The following OTUD7A variants were observed in gnomAD, a reference collection of about 807,000 sequenced individuals.
OTUD7A encodes the protein OTU deubiquitinase 7A.
Under a neutral mutation model 65.7 loss-of-function variants are expected in OTUD7A, and 12 were observed. The ratio of observed to expected loss-of-function variants is 0.18; its 90% confidence interval spans 0.12 to 0.30. The LOEUF is 0.30. Ranked by LOEUF, OTUD7A falls within the 10% of genes least tolerant of loss-of-function variation. OTUD7A has a pLI of 1.00. For synonymous variants in OTUD7A, 641 were observed against 586.3 expected, an observed-to-expected ratio of 1.09 and a Z score of -1.35; for missense variants, 1,148 against 1,304.8, an observed-to-expected ratio of 0.88 and a Z score of 1.85.
rs1217128846 is a variant in OTUD7A, at chr15:31,475,532, A to C, written c.*7762T>G. The stretch of plus-strand genomic sequence containing the variant: ...ATCTTTCATAAAAGAAAGAAATTAA[A>C]TACAATTCTTCTATAAAAAGTGCAG... On this transcript the variant is annotated 3_prime_UTR_variant, in exon 13 of 13. Transcript: ENST00000307050. 1 of 152,280 alleles carries C rather than the reference A, an allele frequency of 6.6e-6. No individual in the cohort carries two copies. Among genetic ancestry groups the C allele is most frequent in the African/African-American group, 2.4e-5 (1 of 41,478 alleles). The allele number at this position is 152,280 out of a possible 1,614,324, so 9.4% of individuals were successfully genotyped here.
intron 1 of OTUD7A, among the ~76,000 whole-genome samples, chr15:31,727,685 G>A (rs1266872738): frequency 2.6e-4 from 40 of 152,102 alleles, no homozygotes; most frequent in East Asian, 7.7e-4. Context: ...TAAGATCCAT[G>A]GGATGGCCCT....
chr15:31,803,627 C>A (rs930753232), intron 1 of OTUD7A, among the ~76,000 whole-genome samples: 1 of 152,212 alleles, frequency 6.6e-6, no homozygotes, highest in Admixed American at 6.5e-5. Flanking sequence ...CTGAGTCCCA[C>A]AGCTAAAGTC....
chr15:31,605,968 G>A (rs747884918), intron 3 of OTUD7A, among the ~76,000 whole-genome samples: 1 of 152,128 alleles, frequency 6.6e-6, no homozygotes, highest in Non-Finnish European at 1.5e-5. Flanking sequence ...ACATCAACAG[G>A]CCTTTCTGTA....
At chr15:31,600,431 G>C (rs1024927614) in intron 3 of OTUD7A, among the ~76,000 whole-genome samples, 5 of 152,112 alleles carry the variant, frequency 3.3e-5, no homozygotes, top group Non-Finnish European at 5.9e-5. Context: ...GTGACCACCA[G>C]GCCTGCCTTA....
chr15:31,769,204 C>T (rs887661605), intron 1 of OTUD7A, among the ~76,000 whole-genome samples: 18 of 152,134 alleles, frequency 1.2e-4, no homozygotes, highest in Non-Finnish European at 1.3e-4. Context: ...ATCAAAGCTA[C>T]AGTAGTTCTA....
chr15:31,772,251 CA>C (rs34676002), intron 1 of OTUD7A, among the ~76,000 whole-genome samples: 4,004 of 80,696 alleles, frequency 0.05, 71 homozygotes, highest in African/African-American at 0.12. Flanking sequence ...GACTCCGTCT[CA>C]AAAAAAAAAA....
At chr15:31,866,808 CT>C (rs1175307061) in intron 1 of OTUD7A, among the ~76,000 whole-genome samples, 1 of 152,156 alleles carries the variant, frequency 6.6e-6, no homozygotes, top group Non-Finnish European at 1.5e-5. Flanking sequence ...GGTGAAGAGC[CT>C]GATTCACTAA....
chr15:31,753,927 T>C (rs1162501715), intron 1 of OTUD7A, among the ~76,000 whole-genome samples: 4 of 151,852 alleles, frequency 2.6e-5, no homozygotes, highest in African/African-American at 7.3e-5. Flanking sequence ...TTTAGTTCTT[T>C]AAGGAATCTC....
At chr15:31,720,125 G>A (rs1050313536) in intron 1 of OTUD7A, among the ~76,000 whole-genome samples, 7 of 151,786 alleles carry the variant, frequency 4.6e-5, no homozygotes, top group African/African-American at 1.7e-4. Flanking sequence ...AGAATTAATT[G>A]AAACACTCCA....
At chr15:31,650,890 TGAA>T (rs1183213470) in intron 3 of OTUD7A, among the ~76,000 whole-genome samples, 4 of 140,802 alleles carry the variant, frequency 2.8e-5, no homozygotes, top group Non-Finnish European at 4.6e-5. Flanking sequence ...ATGGAAGATA[TGAA>T]GAAGAACTAA....
chr15:31,692,686 A>G (rs1479720999), intron 1 of OTUD7A, among the ~76,000 whole-genome samples: 1 of 145,580 alleles, frequency 6.9e-6, no homozygotes, highest in Admixed American at 6.9e-5. Context: ...CTTTGTTCAC[A>G]TTTTTTCCCT....
intron 1 of OTUD7A, among the ~76,000 whole-genome samples, chr15:31,836,315 C>A (rs1008554141): frequency 1.3e-5 from 2 of 151,998 alleles, no homozygotes; most frequent in Non-Finnish European, 2.9e-5. Flanking sequence ...ATTTTAGAAT[C>A]TAAAAAAAGG....
At chr15:31,724,062 G>A (rs1271576341) in intron 1 of OTUD7A, among the ~76,000 whole-genome samples, 1 of 148,268 alleles carries the variant, frequency 6.7e-6, no homozygotes, top group Non-Finnish European at 1.5e-5. Context: ...CATGTTTATT[G>A]GCTATTTATA....
intron 3 of OTUD7A, among the ~76,000 whole-genome samples, chr15:31,641,201 T>C (rs890992131): frequency 2.6e-5 from 4 of 152,126 alleles, no homozygotes; most frequent in African/African-American, 9.7e-5. Context: ...CTGCTTGCAC[T>C]CACTCCATCC....
At chr15:31,840,807 T>G (rs778328189) in intron 1 of OTUD7A, among the ~76,000 whole-genome samples, 7 of 152,238 alleles carry the variant, frequency 4.6e-5, no homozygotes, top group Non-Finnish European at 1.0e-4. Context: ...CTAAAATAAC[T>G]TTATAGAATT....
intron 4 of OTUD7A, among the ~76,000 whole-genome samples, chr15:31,569,409 A>C (rs1026940458): frequency 2.0e-5 from 3 of 152,250 alleles, no homozygotes; most frequent in Non-Finnish European, 4.4e-5. Flanking sequence ...TCAGTGAAAC[A>C]AGCACTTTGC....
intron 8 of OTUD7A, among the ~76,000 whole-genome samples, chr15:31,525,579 T>C (rs1415847104): frequency 6.6e-6 from 1 of 152,232 alleles, no homozygotes; most frequent in African/African-American, 2.4e-5. Context: ...TGGAGCTGCA[T>C]GCAATCCTCC....
intron 1 of OTUD7A, among the ~76,000 whole-genome samples, chr15:31,824,680 CA>C (rs1896759439): frequency 6.6e-6 from 1 of 152,180 alleles, no homozygotes; most frequent in Non-Finnish European, 1.5e-5. Flanking sequence ...TTCACCCAGC[CA>C]AAGACTCTCC....
chr15:31,604,337 C>T (rs949326864), intron 3 of OTUD7A, among the ~76,000 whole-genome samples: 1 of 152,020 alleles, frequency 6.6e-6, no homozygotes, highest in Non-Finnish European at 1.5e-5. Flanking sequence ...AGCAAACTAA[C>T]ACAAGAACAG....
Sources: gnomAD v4.1 joint callset for allele counts (sites outside exome capture counted in the v4.1 genomes callset) on GRCh38, gnomAD v4.1.1 for gene constraint, MANE v1.5 for transcripts, NCBI Gene and HGNC (gene_info 2026-07-23, HGNC 2026-07-21) for gene names.